EHF: variants seen among roughly 807,000 people sequenced by gnomAD.
EHF encodes the protein ESE3 transcription factor.
A neutral mutation model predicts 45.1 loss-of-function variants in EHF; 14 were observed. That is an observed-to-expected ratio of 0.31 (90% CI 0.21 to 0.49). The LOEUF (loss-of-function observed/expected upper bound fraction) is 0.49. Among genes scored for constraint, EHF ranks in the 20% least tolerant of loss-of-function variants. The probability of loss-of-function intolerance (pLI) is 0.99; values close to 1 mark genes in which losing one functional copy is unlikely to be tolerated. For synonymous variants in EHF, 136 were observed against 131.8 expected (o/e 1.03, Z -0.22); for missense variants, 282 against 371.4 (o/e 0.76, Z 1.98).
chr11:34,657,364 T>A (rs913716223), intron 7 of EHF, among the ~76,000 whole-genome samples: 1 of 152,202 alleles, frequency 6.6e-6, no homozygotes, highest in Admixed American at 6.5e-5. Context: ...CCTACCTTTG[T>A]GGAGTTACCA....
chr11:34,622,406 C>T (rs1852043137), intron 1 of EHF: 6 of 1,285,670 alleles, frequency 4.7e-6, no homozygotes, highest in Non-Finnish European at 6.1e-6. Flanking sequence ...GTTGGTTCTG[C>T]AGCCATGGAG....
intron 1 of EHF, among the ~76,000 whole-genome samples, chr11:34,640,742 C>A (rs937225481): frequency 1.3e-5 from 2 of 152,144 alleles, no homozygotes; most frequent in African/African-American, 2.4e-5. Context: ...AAGAGCTTTT[C>A]AGAAAAGGAA....
chr11:34,631,351 C>T (rs1197815316), intron 1 of EHF, among the ~76,000 whole-genome samples: 2 of 152,178 alleles, frequency 1.3e-5, no homozygotes, highest in Non-Finnish European at 2.9e-5. Context: ...TATTCAAAAG[C>T]TCCCTCTGAC....
chr11:34,650,157 G>A (rs1382587042), intron 4 of EHF, among the ~76,000 whole-genome samples: 2 of 152,146 alleles, frequency 1.3e-5, no homozygotes, highest in African/African-American at 4.8e-5. Context: ...TAGCCCCACC[G>A]AAGGAGCCAG....
chr11:34,651,100 T>A (rs1855113572), intron 4 of EHF, among the ~76,000 whole-genome samples: 1 of 151,898 alleles, frequency 6.6e-6, no homozygotes, highest in Non-Finnish European at 1.5e-5. Context: ...GAAATATCAT[T>A]AACCCCCCAA....
At chr11:34,655,932 G>T (rs1855626563) in intron 6 of EHF, among the ~76,000 whole-genome samples, 1 of 152,174 alleles carries the variant, frequency 6.6e-6, no homozygotes, top group South Asian at 2.1e-4. Context: ...ACATGAAAGA[G>T]ATCAGTTTTA....
intron 1 of EHF, among the ~76,000 whole-genome samples, chr11:34,634,491 G>A (rs573944013): frequency 1.3e-5 from 2 of 152,322 alleles, no homozygotes; most frequent in African/African-American, 4.8e-5. Flanking sequence ...TGGTGGCCTT[G>A]ACTCTCAATC....
chr11:34,641,844 A>C (rs1410157730), intron 1 of EHF, among the ~76,000 whole-genome samples: 1 of 151,872 alleles, frequency 6.6e-6, no homozygotes, highest in Non-Finnish European at 1.5e-5. Flanking sequence ...CATGGAAGAA[A>C]TCTCTTCTCC....
In EHF at chr11:34,631,740, C is replaced by G. The variant is rs1050536444; in HGVS notation, c.-4+10512C>G. ...GGATGTAGGATGTCTGGGGGAGAGG[C>G]TTGACTGAGATCTGGGTACACTGAG... On this transcript the variant is annotated intron_variant, in intron 1 of 8. Transcript: ENST00000257831. 3.2e-5 allele frequency: 6 copies of G among 189,370 alleles called. No individual in the cohort carries two copies. The Admixed American group carries it at 3.9e-4, about 12-fold the overall frequency. 11.7% of individuals were successfully genotyped at this position (189,370 alleles called of 1,614,324 possible). A position where few individuals can be genotyped will look rare whatever the true frequency, so the allele number is the denominator to read the frequency against.
chr11:34,659,593 A>G lies in EHF; in HGVS notation c.*662A>G, dbSNP rs1476668551. 6.6e-6 allele frequency: 1 copy of G among 152,226 alleles called. No homozygotes were observed. Among genetic ancestry groups the G allele is most frequent in the Non-Finnish European group, 1.5e-5 (1 of 68,072 alleles). 9.4% of individuals were successfully genotyped at this position (152,226 alleles called of 1,614,324 possible). A position where few individuals can be genotyped will look rare whatever the true frequency, so the allele number is the denominator to read the frequency against. On this transcript the variant is annotated 3_prime_UTR_variant, in exon 9 of 9. Coordinates refer to ENST00000257831, the MANE Select transcript of EHF (RefSeq NM_012153.6). Reference sequence around the variant, plus strand: ...CTTTATACTCATTCAGGAATGGTTTATCTGATGCCAGGGCTGTCTTCCTTT... The same window carrying G: ...CTTTATACTCATTCAGGAATGGTTTGTCTGATGCCAGGGCTGTCTTCCTTT...
intron 6 of EHF, among the ~76,000 whole-genome samples, chr11:34,654,769 C>A (rs1855509594): frequency 6.6e-6 from 1 of 152,156 alleles, no homozygotes; most frequent in African/African-American, 2.4e-5. Flanking sequence ...GTCTTATTCA[C>A]AAAGGCACCT....
At chr11:34,640,552 C>G (rs1190052060) in intron 1 of EHF, among the ~76,000 whole-genome samples, 1 of 152,222 alleles carries the variant, frequency 6.6e-6, no homozygotes, top group Non-Finnish European at 1.5e-5. Flanking sequence ...GGCCCCCCTC[C>G]TTCCACCAGC....
intron 3 of EHF, among the ~76,000 whole-genome samples, chr11:34,647,641 C>T (rs1441968449): frequency 1.3e-5 from 2 of 152,184 alleles, no homozygotes; most frequent in African/African-American, 4.8e-5. Flanking sequence ...GGCAAGTAAC[C>T]GGGACTTGGG....
intron 3 of EHF, among the ~76,000 whole-genome samples, chr11:34,648,427 A>G (rs1036921381): frequency 2.0e-5 from 3 of 152,250 alleles, no homozygotes; most frequent in African/African-American, 7.2e-5. Flanking sequence ...AAACAAGGTC[A>G]TGTGATGTGT....
intron 1 of EHF, 30 bp from the exon 2 acceptor site, chr11:34,642,598 G>A: frequency 7.2e-7 from 1 of 1,394,574 alleles, no homozygotes; most frequent in Admixed American, 1.7e-5. Flanking sequence ...AAGAGGCACT[G>A]ACTGAACAGG....
chr11:34,622,923 T>C (rs1852078268), intron 1 of EHF, among the ~76,000 whole-genome samples: 1 of 152,212 alleles, frequency 6.6e-6, no homozygotes, highest in African/African-American at 2.4e-5. Flanking sequence ...TGCTGTAAGT[T>C]CTCTTACATG....
intron 6 of EHF, 75 bp downstream of exon 6, chr11:34,651,880 C>T: frequency 1.4e-6 from 2 of 1,383,792 alleles, no homozygotes; most frequent in Non-Finnish European, 2.0e-6. Context: ...CAACACTCTA[C>T]ATTTCTGCCT....
Position 34,660,753 on chromosome 11 carries a change from A to G in EHF, c.*1822A>G, listed in dbSNP as rs968674619. Reference sequence around the variant, plus strand: ...AATATGCAAATGAAGACATGTATCCATAAGAAGGAGTGCTCTTCATCAACT... The same window carrying G: ...AATATGCAAATGAAGACATGTATCCGTAAGAAGGAGTGCTCTTCATCAACT... On this transcript the variant is annotated 3_prime_UTR_variant, in exon 9 of 9. Transcript: ENST00000257831. 5.3e-5 allele frequency: 8 copies of G among 152,162 alleles called. No homozygotes were observed. Among genetic ancestry groups the G allele is most frequent in the African/African-American group, 1.7e-4 (7 of 41,448 alleles). 9.4% of individuals were successfully genotyped at this position (152,162 alleles called of 1,614,324 possible).
Position 34,630,142 on chromosome 11 carries a change from AACTTTGAAATTAAAAGT to A in EHF, c.-4+8916_-4+8932del, listed in dbSNP as rs1194864025. On this transcript the variant is annotated intron_variant, in intron 1 of 8. Transcript: ENST00000257831. Reference sequence around the variant, plus strand: ...GTGGGAATCGTGCTTAAAGGATCTCAACTTTGAAATTAAAAGTATAACGTCCTAACAGACATCCTCCT... The same window carrying A: ...GTGGGAATCGTGCTTAAAGGATCTCAATAACGTCCTAACAGACATCCTCCT... Among the ~76,000 whole-genome samples, 4 of 152,342 alleles carry A rather than the reference AACTTTGAAATTAAAAGT, an allele frequency of 2.6e-5. No homozygotes were observed. The East Asian group carries it at 7.7e-4, about 29-fold the overall frequency.
Sources: allele counts gnomAD v4.1 joint callset (sites outside exome capture counted in the v4.1 genomes callset), GRCh38; gene constraint gnomAD v4.1.1; transcripts MANE v1.5; gene names NCBI Gene and HGNC (gene_info 2026-07-23, HGNC 2026-07-21).